The following DNAH5 variants were observed in gnomAD, a reference collection of about 807,000 sequenced individuals.
The protein encoded by DNAH5 is axonemal beta dynein heavy chain 5.
Under a neutral mutation model 518.2 loss-of-function variants are expected in DNAH5, and 372 were observed. The observed-to-expected ratio is 0.72, with a 90% CI of 0.66 to 0.78. DNAH5 has a LOEUF of 0.78. Ranked by LOEUF, DNAH5 falls within the 30% of genes least tolerant of loss-of-function variation. DNAH5 has a pLI of 0.00. For missense variants in DNAH5, 5,523 were observed against 5,687.0 expected (o/e 0.97, Z 0.93); for synonymous variants, 2,039 against 2,025.9 (o/e 1.01, Z -0.17).
Position 13,840,912 on chromosome 5 carries a change from A to G in DNAH5, c.5703T>C (p.Asp1901=), listed in dbSNP as rs761979042. The G allele has an allele frequency of 1.2e-5, 20 of 1,613,644 alleles. No homozygotes were observed. Among genetic ancestry groups the G allele is most frequent in the Admixed American group, 3.3e-5 (2 of 60,010 alleles). ...GCATTTATAAAGAATTTACCAGGTCATCAAAGATATCCCTTTGGTGCACAT... is the reference window on the plus strand; with the variant it reads ...GCATTTATAAAGAATTTACCAGGTCGTCAAAGATATCCCTTTGGTGCACAT... ...TIHVHQRDIF[D]DLCHMHIKSP... The change falls in exon 34 of 79, where the codon GAT becomes GAC. Residue 1901 remains aspartate (D), a synonymous_variant. Coordinates refer to ENST00000265104, the MANE Select transcript of DNAH5 (RefSeq NM_001369.3).
At position 13,830,692 on chromosome 5, in the gene DNAH5, G is replaced by A. The variant is rs1763551944; in HGVS notation, c.5966C>T (p.Thr1989Ile). ...GAGGCATCGTCCCATGTCTTTAGTG[G>A]TTTCTGTTTTGCCTGTGCCTGCAGG... ...AGPAGTGKTE[T>I]TKDMGRCLGK... The change falls in exon 36 of 79, where the codon ACC (threonine) becomes ATC (isoleucine). Residue 1989 changes from threonine to isoleucine, a missense_variant. Thr to Ile is a moderately conservative substitution (Grantham distance 89). Transcript: ENST00000265104. The A allele has an allele frequency of 2.5e-6, 4 of 1,614,120 alleles. No homozygotes were observed. The highest frequency in any genetic ancestry group is 3.4e-6 in the Non-Finnish European group (4 of 1,180,022).
At chr5:13,851,652 A>G (rs962981438) in intron 30 of DNAH5, among the ~76,000 whole-genome samples, 3 of 152,080 alleles carry the variant, frequency 2.0e-5, no homozygotes, top group Admixed American at 1.3e-4. Context: ...GTATGTCACC[A>G]ATGAGTATAT....
chr5:13,976,260 T>C (rs1215402386), intron 1 of DNAH5, among the ~76,000 whole-genome samples: 3 of 152,210 alleles, frequency 2.0e-5, no homozygotes, highest in African/African-American at 7.2e-5. Flanking sequence ...TACAGTTTCA[T>C]TTTCCTCAGT....
At chr5:13,918,197 T>G (rs372341399) in intron 7 of DNAH5, among the ~76,000 whole-genome samples, 1 of 152,316 alleles carries the variant, frequency 6.6e-6, no homozygotes, top group South Asian at 2.1e-4. Context: ...TTGCTCCCTT[T>G]AAGGGAAGCC....
chr5:13,919,274 T>C lies in DNAH5; in HGVS notation c.877A>G (p.Arg293Gly), dbSNP rs1561572168. ...AAAAGGTAGTTAAACTTGGAGAGTC[T>C]TTTTTTCCAGTGCTCCAGCTCCGCT... ...PRAELEHWKK[R>G]LSKFNYLLEQ... The change falls in exon 7 of 79, where the codon AGA (arginine) becomes GGA (glycine). Residue 293 changes from arginine (R) to glycine (G), a missense_variant. By Grantham distance (125) the Arg-to-Gly change is moderately radical (BLOSUM62 -2). Around this residue, in one of 3 missense-constraint regions of DNAH5, gnomAD observed 5,121 missense variants for 5,223.3 expected, o/e 0.98. Coordinates refer to ENST00000265104, the MANE Select transcript of DNAH5 (RefSeq NM_001369.3). The C allele has an allele frequency of 5.6e-6, 9 of 1,613,734 alleles. No individual in the cohort carries two copies. The South Asian group carries it at 9.9e-5, about 18-fold the overall frequency.
chr5:13,753,098 T>C (rs1750470666), intron 63 of DNAH5, 135 bp downstream of exon 63: 1 of 658,440 alleles, frequency 1.5e-6, no homozygotes, highest in Admixed American at 2.7e-5. Flanking sequence ...GATTTAAGCT[T>C]GCATCTGCTA....
At chr5:13,836,186 A>G (rs1373093926) in intron 35 of DNAH5, among the ~76,000 whole-genome samples, 1 of 152,232 alleles carries the variant, frequency 6.6e-6, no homozygotes, top group African/African-American at 2.4e-5. Flanking sequence ...TGAAGACAAC[A>G]GCAGGAGGGC....
At position 13,765,970 on chromosome 5, in the gene DNAH5, A is replaced by G; in HGVS notation, c.10101+6T>C. The G allele has an allele frequency of 6.2e-7, 1 of 1,613,884 alleles. No homozygotes were observed. The highest frequency in any genetic ancestry group is 8.5e-7 in the Non-Finnish European group (1 of 1,179,742). The stretch of plus-strand genomic sequence containing the variant: ...CCTCTTAGCCCATCACCACTGAACT[A>G]CCAACCTGTAAGTTCTGTAAAAAGT... On this transcript the variant is annotated splice_donor_region_variant and intron_variant, in intron 59 of 78. Coordinates refer to ENST00000265104, the MANE Select transcript of DNAH5 (RefSeq NM_001369.3).
chr5:13,724,400 T>C (rs537159495), intron 70 of DNAH5, among the ~76,000 whole-genome samples: 1 of 152,328 alleles, frequency 6.6e-6, no homozygotes, highest in South Asian at 2.1e-4. Context: ...CCATTGTATC[T>C]TGGGAGTAAA....
chr5:13,890,076 AT>A (rs1772982460), intron 17 of DNAH5, among the ~76,000 whole-genome samples: 1 of 152,106 alleles, frequency 6.6e-6, no homozygotes, highest in South Asian at 2.1e-4. Context: ...AAAGTATCCC[AT>A]TTGCAAATGT....
intron 24 of DNAH5, among the ~76,000 whole-genome samples, chr5:13,869,186 T>C (rs1769719454): frequency 6.6e-6 from 1 of 152,148 alleles, no homozygotes; most frequent in Non-Finnish European, 1.5e-5. Flanking sequence ...TGTACCATTC[T>C]CATGGTAATG....
rs906490504 is a variant in DNAH5 at position 13,913,766 on chromosome 5, C to T, written c.1513G>A (p.Glu505Lys). The part of the protein sequence containing the change: ...VLQDSTIEGL[E>K]DMATKYQGIV... ...ACCTGGTATTTAGTGGCCATGTCTT[C>T]CAGCCCTTCAATTGTGGAATCTTGC... Residue 505 changes from glutamate (E) to lysine (K), a missense_variant, in exon 11 of 79, where the codon GAA becomes AAA. Glu to Lys is a moderately conservative substitution (Grantham distance 56). Around this residue, in one of 3 missense-constraint regions of DNAH5, gnomAD observed 5,121 missense variants for 5,223.3 expected, o/e 0.98. Transcript: ENST00000265104. The T allele has an allele frequency of 6.2e-7, 1 of 1,613,440 alleles. No homozygotes were observed. Among genetic ancestry groups the T allele is most frequent in the Non-Finnish European group, 8.5e-7 (1 of 1,179,446 alleles).
At chr5:13,791,790 C>A (rs1364016919) in intron 50 of DNAH5, among the ~76,000 whole-genome samples, 2 of 152,034 alleles carry the variant, frequency 1.3e-5, no homozygotes, top group East Asian at 1.9e-4. Context: ...AAAACACAAA[C>A]CTAATTTAAT....
At chr5:13,854,028 T>G (rs966398270) in intron 30 of DNAH5, among the ~76,000 whole-genome samples, 2 of 152,064 alleles carry the variant, frequency 1.3e-5, no homozygotes, top group African/African-American at 2.4e-5. Flanking sequence ...GAGAACACCA[T>G]GAAGATTCTC....
chr5:13,774,038 G>A (rs923331545), intron 55 of DNAH5, among the ~76,000 whole-genome samples: 1 of 152,140 alleles, frequency 6.6e-6, no homozygotes, highest in Non-Finnish European at 1.5e-5. Flanking sequence ...GCCTGCTAAA[G>A]GTTGTGATTT....
intron 65 of DNAH5, among the ~76,000 whole-genome samples, chr5:13,739,283 T>G (rs1197376541): frequency 1.3e-5 from 2 of 152,182 alleles, no homozygotes; most frequent in African/African-American, 4.8e-5. Flanking sequence ...AATGGGGTCA[T>G]GAGGGCAGTT....
intron 76 of DNAH5, among the ~76,000 whole-genome samples, chr5:13,705,966 G>A (rs1049556400): frequency 5.9e-5 from 9 of 152,214 alleles, no homozygotes; most frequent in Non-Finnish European, 1.3e-4. Flanking sequence ...CTGGCCAACA[G>A]TTCTATTTTG....
In DNAH5 at chr5:13,981,460, G is replaced by A. The variant is rs111636970; in HGVS notation, c.12+30188C>T. Among the ~76,000 whole-genome samples the A allele has an allele frequency of 8.8e-3, 1,347 of 152,320 alleles. 28 individuals are homozygous for A. Among genetic ancestry groups the A allele is most frequent in the African/African-American group, 0.031 (1,272 of 41,562 alleles). On this transcript the variant is annotated intron_variant, in intron 1 of 78. Transcript: ENST00000681290. ...CTCATGCCTCATACTTCCTTGTGGA[G>A]GAACTTCAGGTAGACTCACACTCCT...
chr5:13,902,425 T>C (rs1250842762), intron 12 of DNAH5, among the ~76,000 whole-genome samples: 2 of 152,070 alleles, frequency 1.3e-5, no homozygotes, highest in African/African-American at 2.4e-5. Flanking sequence ...TATGGGGAGA[T>C]GGGCTATGGG....
Sources: gnomAD v4.1 joint callset for allele counts (sites outside exome capture counted in the v4.1 genomes callset) on GRCh38, gnomAD v4.1.1 for gene constraint, gnomAD v4.1.1 regional missense constraint, MANE v1.5 for transcripts, NCBI Gene and HGNC (gene_info 2026-07-23, HGNC 2026-07-21) for gene names.